Variants in PTK2 observed in about 807,000 individuals in gnomAD.
PTK2 encodes the protein focal adhesion kinase 1.
Under a neutral mutation model 150.1 loss-of-function variants are expected in PTK2, and 45 were observed. That is an observed-to-expected ratio of 0.30 (90% CI 0.24 to 0.38). PTK2 has a LOEUF of 0.38. Ranked by LOEUF, PTK2 falls within the 10% of genes least tolerant of loss-of-function variation. The pLI is 1.00. For synonymous variants in PTK2, 432 were observed against 449.2 expected (o/e 0.96, Z 0.48); for missense variants, 919 against 1,307.3 (o/e 0.70, Z 4.58).
At chr8:140,934,405 A>T (rs1157314682) in intron 1 of PTK2, 1 of 152,148 alleles carries the variant, frequency 6.6e-6, no homozygotes, top group Non-Finnish European at 1.5e-5. Context: ...CCTGAGCAAC[A>T]TAAGGAGACT....
intron 26 of PTK2, among the ~76,000 whole-genome samples, chr8:140,698,150 C>A (rs1462231420): frequency 1.3e-5 from 2 of 152,158 alleles, no homozygotes; most frequent in Non-Finnish European, 2.9e-5. Flanking sequence ...TAGTGACACA[C>A]AGGGTCCTCT....
At chr8:140,734,634 G>C (rs1261550751) in intron 22 of PTK2, 1 of 453,486 alleles carries the variant, frequency 2.2e-6, no homozygotes, top group Non-Finnish European at 4.4e-6. Context: ...CTGGCACAAA[G>C]TAGTAGCCAC....
intron 1 of PTK2, among the ~76,000 whole-genome samples, chr8:140,963,672 T>G (rs966545161): frequency 6.6e-6 from 1 of 152,212 alleles, no homozygotes; most frequent in Admixed American, 6.5e-5. Context: ...CAGCTCTCAT[T>G]ACTTTGAGGG....
At chr8:140,702,609 A>G in exon 25 of PTK2, 1 of 1,614,126 alleles carries the variant, frequency 6.2e-7, no homozygotes, top group Non-Finnish European at 8.5e-7. Context: ...CCTGAGGTCT[A>G]TGATTCCATG....
intron 5 of PTK2, among the ~76,000 whole-genome samples, chr8:140,858,226 A>G (rs1420379075): frequency 1.3e-5 from 2 of 152,142 alleles, no homozygotes; most frequent in Non-Finnish European, 2.9e-5. Context: ...CAAGAAATTA[A>G]AAACATGAAA....
chr8:140,680,263 T>C (rs1292052088), intron 27 of PTK2, among the ~76,000 whole-genome samples: 1 of 152,156 alleles, frequency 6.6e-6, no homozygotes, highest in South Asian at 2.1e-4. Context: ...GTTTTGCTCT[T>C]TTGGCTCAGG....
chr8:140,799,175 G>A (rs1458426516), intron 12 of PTK2: 2 of 152,080 alleles, frequency 1.3e-5, no homozygotes, highest in Non-Finnish European at 2.9e-5. Context: ...ATAAATAAAG[G>A]GTCCAATGAC....
chr8:140,722,806 GA>G (rs892890795), intron 22 of PTK2, among the ~76,000 whole-genome samples: 3 of 151,858 alleles, frequency 2.0e-5, no homozygotes, highest in Admixed American at 6.6e-5. Flanking sequence ...TAAAAATCAA[GA>G]AAAAAAATTG....
chr8:140,839,500 C>T (rs539856830), intron 7 of PTK2, among the ~76,000 whole-genome samples: 1 of 152,042 alleles, frequency 6.6e-6, no homozygotes, highest in Non-Finnish European at 1.5e-5. Context: ...GGCACAAACA[C>T]CACAGATGGG....
At chr8:140,873,358 A>G (rs1199746938) in intron 4 of PTK2, among the ~76,000 whole-genome samples, 1 of 152,246 alleles carries the variant, frequency 6.6e-6, no homozygotes, top group Non-Finnish European at 1.5e-5. Context: ...TTCCCTGATC[A>G]ATAATGAAGT....
At chr8:140,988,929 C>T (rs2100194468) in intron 1 of PTK2, among the ~76,000 whole-genome samples, 1 of 151,758 alleles carries the variant, frequency 6.6e-6, no homozygotes, top group African/African-American at 2.4e-5. Context: ...GTGAATTATA[C>T]AGTTAAAGAT....
rs545280600 is a variant in PTK2 at position 140,701,347 on chromosome 8, T to A, written c.2368-325A>T. ...ATCTAGAAGTAATAGAAGGCTGAAA[T>A]ACAATACATATTACAGAGTATTAAA... On this transcript the variant is annotated intron_variant, in intron 25 of 31. Coordinates refer to ENST00000522684, the Ensembl canonical transcript of PTK2. 7.2e-5 allele frequency among the ~76,000 whole-genome samples: 11 copies of A among 152,310 alleles called. No individual in the cohort carries two copies. The East Asian group carries it at 1.9e-3, about 27-fold the overall frequency.
At chr8:140,770,820 G>A in intron 14 of PTK2, 21 bp from the exon 15 acceptor site, 3 of 1,193,090 alleles carry the variant, frequency 2.5e-6, no homozygotes, top group South Asian at 1.5e-5. Flanking sequence ...AGGCAAGAGG[G>A]GAAAGAGAAA....
chr8:140,759,520 G>C lies in PTK2; in HGVS notation c.1332+1645C>G, dbSNP rs1463720052. 8.3e-5 allele frequency among the ~76,000 whole-genome samples: 8 copies of C among 96,456 alleles called. No individual in the cohort carries two copies. The South Asian group carries it at 3.0e-3, about 36-fold the overall frequency. 63.3% of individuals were successfully genotyped at this position (96,456 alleles called of 152,430 possible). On this transcript the variant is annotated intron_variant, in intron 16 of 31. Transcript: ENST00000522684. Reference sequence around the variant, plus strand: ...CTGTACTCCCTTGGTGACAGAGTAAGACCCTGTCCTAAAAAAAAAAAAAAA... The same window carrying C: ...CTGTACTCCCTTGGTGACAGAGTAACACCCTGTCCTAAAAAAAAAAAAAAA...
At chr8:140,936,236 G>A (rs2100173578) in intron 1 of PTK2, among the ~76,000 whole-genome samples, 1 of 152,074 alleles carries the variant, frequency 6.6e-6, no homozygotes, top group African/African-American at 2.4e-5. Context: ...AATCAATTGT[G>A]GGAAAACAAG....
intron 26 of PTK2, among the ~76,000 whole-genome samples, chr8:140,698,174 A>G (rs977234279): frequency 6.6e-6 from 1 of 152,012 alleles, no homozygotes; most frequent in Non-Finnish European, 1.5e-5. Flanking sequence ...GCTCTTCCTT[A>G]TGTTCTTCTT....
chr8:140,970,279 T>C (rs182163402), intron 1 of PTK2, among the ~76,000 whole-genome samples: 10 of 152,374 alleles, frequency 6.6e-5, no homozygotes, highest in African/African-American at 2.4e-4. Flanking sequence ...GAGCAGCTTC[T>C]CTTTTCCTGA....
chr8:140,800,438 T>C (rs776583152), intron 12 of PTK2, 21 bp downstream of exon 12: 2 of 1,577,032 alleles, frequency 1.3e-6, no homozygotes, highest in African/African-American at 1.4e-5. Flanking sequence ...CAATTGGGAA[T>C]GCTCAGAAAC....
intron 31 of PTK2, chr8:140,662,905 C>T: frequency 1.2e-5 from 5 of 407,528 alleles, no homozygotes; most frequent in Non-Finnish European, 2.2e-5. Context: ...TCAAAAATGT[C>T]AATGTCATGA....
Sources: gnomAD v4.1 joint callset for allele counts (sites outside exome capture counted in the v4.1 genomes callset) on GRCh38, gnomAD v4.1.1 for gene constraint, MANE v1.5 for transcripts, NCBI Gene and HGNC (gene_info 2026-07-23, HGNC 2026-07-21) for gene names.